XIRP2: variants seen among roughly 807,000 people sequenced by gnomAD.
XIRP2 encodes xin actin-binding repeat-containing protein 2.
In XIRP2, 236 loss-of-function variants were observed where a neutral mutation model predicts 277.0. The observed-to-expected ratio is 0.85, with a 90% CI of 0.77 to 0.95. XIRP2 has a LOEUF of 0.95. XIRP2 is among the 40% of genes least tolerant of loss of function. The probability of loss-of-function intolerance (pLI) is 0.00; values close to 1 mark genes in which losing one functional copy is unlikely to be tolerated. For missense variants in XIRP2, 4,640 were observed against 4,157.5 expected (o/e 1.12, Z -3.19); for synonymous variants, 1,490 against 1,416.5 (o/e 1.05, Z -1.17).
chr2:167,220,449 A>T (rs979804946), intron 5 of XIRP2, among the ~76,000 whole-genome samples: 1 of 152,218 alleles, frequency 6.6e-6, no homozygotes, highest in Non-Finnish European at 1.5e-5. Flanking sequence ...AGTATTTGTG[A>T]AGTGCTTAAC....
At chr2:167,032,608 A>G (rs553149749) in intron 2 of XIRP2, among the ~76,000 whole-genome samples, 380 of 152,176 alleles carry the variant, frequency 2.5e-3, no homozygotes, top group Admixed American at 5.0e-3. Flanking sequence ...TACAAGAAAA[A>G]AACAACCCCA....
At chr2:167,241,662 A>C in intron 7 of XIRP2, 115 bp from the exon 8 acceptor site, 1 of 1,197,398 alleles carries the variant, frequency 8.4e-7, no homozygotes, top group Non-Finnish European at 1.1e-6. Context: ...TTCGCACCTC[A>C]GTCTCCCAAA....
chr2:167,213,311 T>C (rs1030203895), intron 4 of XIRP2, among the ~76,000 whole-genome samples: 7 of 152,212 alleles, frequency 4.6e-5, no homozygotes, highest in Admixed American at 4.6e-4. Flanking sequence ...ATGCCCAGTT[T>C]ATAAGAAAGA....
intron 10 of XIRP2, among the ~76,000 whole-genome samples, chr2:167,257,126 T>C (rs1171296317): frequency 6.6e-6 from 1 of 151,956 alleles, no homozygotes; most frequent in Non-Finnish European, 1.5e-5. Context: ...GTCTCATATT[T>C]TCAGGTCCAT....
At chr2:167,008,917 T>G (rs370697816) in intron 2 of XIRP2, among the ~76,000 whole-genome samples, 15 of 151,672 alleles carry the variant, frequency 9.9e-5, no homozygotes, top group East Asian at 9.7e-4. Context: ...CAACATACTT[T>G]TCACCTAATT....
chr2:167,131,111 G>C (rs1691360987), intron 2 of XIRP2, among the ~76,000 whole-genome samples: 1 of 151,852 alleles, frequency 6.6e-6, no homozygotes, highest in African/African-American at 2.4e-5. Context: ...CTTCTGCCTG[G>C]GTTCTTATCT....
intron 2 of XIRP2, among the ~76,000 whole-genome samples, chr2:167,116,606 G>A (rs1381490439): frequency 1.3e-5 from 2 of 152,102 alleles, no homozygotes; most frequent in East Asian, 3.8e-4. Flanking sequence ...TTTCATTGGT[G>A]TGATTAGATC....
chr2:166,925,503 C>A (rs533440050), intron 2 of XIRP2, among the ~76,000 whole-genome samples: 12 of 150,236 alleles, frequency 8.0e-5, no homozygotes, highest in African/African-American at 2.9e-4. Context: ...TCACTTGCTG[C>A]AAATGGCTAT....
At position 167,258,910 on chromosome 2, in the gene XIRP2, T is replaced by G. The variant is rs1419020860; in HGVS notation, c.*1093T>G. The G allele has an allele frequency of 1.4e-5, 23 of 1,613,184 alleles. No homozygotes were observed. Among genetic ancestry groups the G allele is most frequent in the Non-Finnish European group, 1.9e-5 (22 of 1,179,614 alleles). ...TGAAGAAACAGACTGACAGAGCAGC[T>G]GCTGGCAGTCCTGTGCAGCCTGCTC... On this transcript the variant is annotated 3_prime_UTR_variant, in exon 11 of 11. Coordinates refer to ENST00000409195, the MANE Select transcript of XIRP2 (RefSeq NM_152381.6).
At chr2:167,055,897 T>C (rs1192713850) in intron 2 of XIRP2, among the ~76,000 whole-genome samples, 2 of 152,188 alleles carry the variant, frequency 1.3e-5, no homozygotes, top group African/African-American at 4.8e-5. Flanking sequence ...TTCAATGTTA[T>C]ATAAAATGCA....
At chr2:167,014,468 G>A (rs902678457) in intron 2 of XIRP2, among the ~76,000 whole-genome samples, 1 of 151,632 alleles carries the variant, frequency 6.6e-6, no homozygotes, top group African/African-American at 2.4e-5. Flanking sequence ...AAAGTTGTTA[G>A]AAATTTGAAA....
intron 2 of XIRP2, among the ~76,000 whole-genome samples, chr2:167,092,668 C>A (rs1404216468): frequency 6.6e-6 from 1 of 152,044 alleles, no homozygotes; most frequent in Non-Finnish European, 1.5e-5. Context: ...TTCTTGGCTA[C>A]TTAGCTACAT....
rs536950768 is a variant in XIRP2 at position 166,914,621 on chromosome 2, C to T, written c.408+10731C>T. 6.6e-5 allele frequency among the ~76,000 whole-genome samples: 10 copies of T among 152,202 alleles called. No individual in the cohort carries two copies. The East Asian group carries it at 1.4e-3, about 21-fold the overall frequency. On this transcript the variant is annotated intron_variant, in intron 2 of 10. Transcript: ENST00000409195. Reference sequence around the variant, plus strand: ...CCTCCCAAAGTTCTGGGATTACAGGCGTGAGCCAACACACCTGGACTAAAC... The same window carrying T: ...CCTCCCAAAGTTCTGGGATTACAGGTGTGAGCCAACACACCTGGACTAAAC...
chr2:167,073,188 A>T (rs1005436762), intron 2 of XIRP2, among the ~76,000 whole-genome samples: 1 of 152,026 alleles, frequency 6.6e-6, no homozygotes, highest in Non-Finnish European at 1.5e-5. Flanking sequence ...TTTTCTCTGG[A>T]TCATCTTTAA....
intron 2 of XIRP2, among the ~76,000 whole-genome samples, chr2:167,064,067 T>C (rs2105242999): frequency 6.6e-6 from 1 of 151,890 alleles, no homozygotes; most frequent in East Asian, 1.9e-4. Context: ...TACAACTAGT[T>C]TTATAAAGTC....
intron 2 of XIRP2, among the ~76,000 whole-genome samples, chr2:167,016,266 A>G (rs1322221594): frequency 6.6e-6 from 1 of 151,676 alleles, no homozygotes; most frequent in African/African-American, 2.4e-5. Context: ...TAAATTATCC[A>G]TTTCTCTTCA....
At chr2:167,235,046 G>A (rs766225923) in intron 5 of XIRP2, among the ~76,000 whole-genome samples, 7 of 151,766 alleles carry the variant, frequency 4.6e-5, no homozygotes, top group Non-Finnish European at 8.9e-5. Flanking sequence ...CTGTGTATGT[G>A]TTTGCTCTCT....
rs1234410946 is a variant in XIRP2, at chr2:167,011,182, C to A, written c.408+107292C>A. ...AAAGGGAATGCTTCCAGTTTTTGCC[C>A]ATTCAGTATGATATTGGCTGTGGGT... On this transcript the variant is annotated intron_variant, in intron 2 of 10. Coordinates refer to ENST00000409195, the MANE Select transcript of XIRP2 (RefSeq NM_152381.6). Among the ~76,000 whole-genome samples, 22 of 150,768 alleles carry A rather than the reference C, an allele frequency of 1.5e-4. No homozygotes were observed. The South Asian group carries it at 1.7e-3, about 12-fold the overall frequency.
At chr2:167,188,774 G>A (rs1230427390) in intron 3 of XIRP2, among the ~76,000 whole-genome samples, 5 of 152,214 alleles carry the variant, frequency 3.3e-5, no homozygotes, top group Non-Finnish European at 5.9e-5. Context: ...ATGGCAAAGT[G>A]CCAACTGTTT....
Sources: gnomAD v4.1 joint callset for allele counts (sites outside exome capture counted in the v4.1 genomes callset) on GRCh38, gnomAD v4.1.1 for gene constraint, MANE v1.5 for transcripts, NCBI Gene and HGNC (gene_info 2026-07-23, HGNC 2026-07-21) for gene names.